ZNF565: variants seen among roughly 807,000 people sequenced by gnomAD.
The protein encoded by ZNF565 is zinc finger protein 565.
ZNF565 carries 27 observed loss-of-function variants against 39.4 expected under a neutral mutation model. That is an observed-to-expected ratio of 0.69 (90% CI 0.51 to 0.95). The LOEUF (loss-of-function observed/expected upper bound fraction) is 0.95, where lower values mean the gene tolerates loss of function less well. ZNF565 is among the 40% of genes least tolerant of loss of function. ZNF565 has a pLI of 0.00. For missense variants in ZNF565, 524 were observed against 621.1 expected (o/e 0.84, Z 1.66); for synonymous variants, 185 against 216.6 (o/e 0.85, Z 1.28).
Position 36,192,916 on chromosome 19 carries a change from A to C in ZNF565, c.232+1317T>G, listed in dbSNP as rs557615512. On this transcript the variant is annotated intron_variant, in intron 4 of 4. Coordinates refer to ENST00000304116, the MANE Select transcript of ZNF565 (RefSeq NM_152477.5). ...ACTGCAATCTCCACCTCATGGGTTC[A>C]AGAGATTCTCCTGCCTCAGCCTCCC... Among the ~76,000 whole-genome samples the C allele has an allele frequency of 2.6e-5, 4 of 151,946 alleles. No individual in the cohort carries two copies. In the South Asian group the frequency reaches 8.3e-4, roughly 32 times the overall value.
intron 4 of ZNF565, among the ~76,000 whole-genome samples, chr19:36,188,647 G>A (rs1026488739): frequency 2.0e-5 from 3 of 151,208 alleles, no homozygotes; most frequent in African/African-American, 7.3e-5. Context: ...GGGAGGTGGA[G>A]GTTGCAGTGA....
rs948966762 is a variant in ZNF565 at position 36,182,395 on chromosome 19, A to G, written c.*71T>C. 2.6e-5 allele frequency: 35 copies of G among 1,356,112 alleles called. No individual in the cohort carries two copies. Among genetic ancestry groups the G allele is most frequent in the Middle Eastern group, 1.9e-4 (1 of 5,280 alleles). The allele number at this position is 1,356,112 out of a possible 1,614,324, so 84.0% of individuals were successfully genotyped here. A position where few individuals can be genotyped will look rare whatever the true frequency, so the allele number is the denominator to read the frequency against. The stretch of plus-strand genomic sequence containing the variant: ...CTGACATTAATTACACTACATTAAA[A>G]ATTACCTAGTACTGAGCCAGATGTG... On this transcript the variant is annotated 3_prime_UTR_variant, in exon 5 of 5. Transcript: ENST00000304116.
chr19:36,190,807 C>T (rs921570439), intron 4 of ZNF565, among the ~76,000 whole-genome samples: 8 of 151,724 alleles, frequency 5.3e-5, no homozygotes, highest in African/African-American at 1.9e-4. Context: ...GCCTGGCCAA[C>T]ATGGCGAAAT....
chr19:36,236,322 C>G, intron 1 of ZNF565: 1 of 1,229,284 alleles, frequency 8.1e-7, no homozygotes, highest in Non-Finnish European at 1.1e-6. Context: ...AGATCATACA[C>G]AGAGAAGCCT....
intron 1 of ZNF565, among the ~76,000 whole-genome samples, chr19:36,239,327 CTTT>C (rs66496075): frequency 5.5e-4 from 78 of 141,930 alleles, no homozygotes; most frequent in African/African-American, 1.8e-3. Context: ...TTGATAATAT[CTTT>C]TTTTTTTTTT....
At chr19:36,242,421 G>C (rs557963580) in intron 1 of ZNF565, among the ~76,000 whole-genome samples, 1 of 147,876 alleles carries the variant, frequency 6.8e-6, no homozygotes, top group East Asian at 2.0e-4. Context: ...AAAAAATAAA[G>C]AACAACCTAT....
At chr19:36,237,351 C>G (rs757232347) in intron 1 of ZNF565, 1 of 1,553,938 alleles carries the variant, frequency 6.4e-7, no homozygotes, top group Non-Finnish European at 8.7e-7. Flanking sequence ...AGTGGGAAAG[C>G]TTTCATTAGA....
intron 1 of ZNF565, chr19:36,237,084 A>G: frequency 6.2e-7 from 1 of 1,614,170 alleles, no homozygotes; most frequent in Non-Finnish European, 8.5e-7. Context: ...TACGAATGCA[A>G]TGTTTGTGGA....
intron 1 of ZNF565, among the ~76,000 whole-genome samples, chr19:36,224,169 G>A (rs1306792216): frequency 6.6e-6 from 1 of 152,156 alleles, no homozygotes. Flanking sequence ...ATCACTTGAG[G>A]TCAGGAGTTC....
At chr19:36,241,567 TG>T (rs1261819478) in intron 1 of ZNF565, among the ~76,000 whole-genome samples, 1 of 140,782 alleles carries the variant, frequency 7.1e-6, no homozygotes, top group African/African-American at 2.7e-5. Context: ...CGGAGGCGGG[TG>T]GATCACCTGA....
intron 1 of ZNF565, among the ~76,000 whole-genome samples, chr19:36,211,750 G>A (rs1408063260): frequency 1.3e-5 from 2 of 151,072 alleles, no homozygotes; most frequent in Admixed American, 1.3e-4. Context: ...CCGAGCTCGC[G>A]CCACTGCACT....
chr19:36,226,920 C>T (rs1461440742), intron 1 of ZNF565, among the ~76,000 whole-genome samples: 1 of 151,730 alleles, frequency 6.6e-6, no homozygotes, highest in Non-Finnish European at 1.5e-5. Flanking sequence ...TCCGTCTCTA[C>T]TGAAAATAAA....
chr19:36,198,763 T>TA (rs1275813982), intron 2 of ZNF565, among the ~76,000 whole-genome samples: 4 of 152,152 alleles, frequency 2.6e-5, no homozygotes, highest in Non-Finnish European at 5.9e-5. Context: ...CACGCCCAGC[T>TA]AATTTTTGTA....
At chr19:36,200,027 A>G (rs1010552714) in intron 2 of ZNF565, among the ~76,000 whole-genome samples, 3 of 151,676 alleles carry the variant, frequency 2.0e-5, no homozygotes, top group Admixed American at 6.6e-5. Context: ...AGAAAGAAAT[A>G]TAATTTTTTT....
Position 36,194,322 on chromosome 19 carries a change from G to A in ZNF565, c.143C>T (p.Ser48Phe). 1 of 1,609,824 alleles carries A rather than the reference G, an allele frequency of 6.2e-7. No individual in the cohort carries two copies. The highest frequency in any genetic ancestry group is 8.5e-7 in the Non-Finnish European group (1 of 1,177,850). ...NFGHLASLGL[S>F]ISKPDVVSLL... ...GGAGACGACATCAGGCTTAGAAATG[G>A]AGAGTCCTGTTTACAGGAAAAGAAA... The change falls in exon 4 of 5, where the codon TCC (serine) becomes TTC (phenylalanine). Residue 48 changes from serine to phenylalanine, a missense_variant. Transcript: ENST00000304116.
chr19:36,221,587 C>A (rs1227991971), intron 1 of ZNF565, among the ~76,000 whole-genome samples: 1 of 152,072 alleles, frequency 6.6e-6, no homozygotes, highest in African/African-American at 2.4e-5. Context: ...CGTGCCTGGC[C>A]AAGGCACTAC....
chr19:36,194,207 C>T (rs1172128203), intron 4 of ZNF565, 26 bp downstream of exon 4: 5 of 1,587,770 alleles, frequency 3.1e-6, no homozygotes, highest in Non-Finnish European at 4.3e-6. Flanking sequence ...AGGGACCTTC[C>T]CCTGTCGAAA....
At chr19:36,218,729 A>G (rs1009297391), upstream of ZNF565, among the ~76,000 whole-genome samples, 1 of 152,034 alleles carries the variant, frequency 6.6e-6, no homozygotes, top group East Asian at 1.9e-4. Flanking sequence ...TCAGCCTCCC[A>G]AAGTCCTGGC....
intron 1 of ZNF565, among the ~76,000 whole-genome samples, chr19:36,223,228 T>G: frequency 6.6e-6 from 1 of 151,432 alleles, no homozygotes; most frequent in Non-Finnish European, 1.5e-5. Context: ...ACTAGCCCGG[T>G]CAACATGGTG....
Sources: gnomAD v4.1 joint callset for allele counts (sites outside exome capture counted in the v4.1 genomes callset) on GRCh38, gnomAD v4.1.1 for gene constraint, MANE v1.5 for transcripts, NCBI Gene and HGNC (gene_info 2026-07-23, HGNC 2026-07-21) for gene names.